FHIT: variants seen among roughly 807,000 people sequenced by gnomAD.
The protein encoded by FHIT is bis(5'-adenosyl)-triphosphatase.
FHIT carries 19 observed loss-of-function variants against 17.9 expected under a neutral mutation model. That is an observed-to-expected ratio of 1.06 (90% CI 0.74 to 1.56). The LOEUF is 1.56. FHIT is among the 40% of genes most tolerant of loss of function. The pLI is 0.00. For synonymous variants in FHIT, 81 were observed against 69.7 expected, an observed-to-expected ratio of 1.16 and a Z score of -0.81; for missense variants, 248 against 189.2, an observed-to-expected ratio of 1.31 and a Z score of -1.82.
intron 5 of FHIT, among the ~76,000 whole-genome samples, chr3:60,529,500 GAGTT>G (rs780856682): frequency 2.6e-5 from 4 of 152,122 alleles, no homozygotes; most frequent in East Asian, 3.9e-4. Context: ...TGCATTATTT[GAGTT>G]AATTACATGA....
chr3:59,974,609 T>C (rs933115028), intron 7 of FHIT, among the ~76,000 whole-genome samples: 2 of 152,112 alleles, frequency 1.3e-5, no homozygotes, highest in East Asian at 3.9e-4. Flanking sequence ...TAGTGAAGGA[T>C]GAGTCTATGT....
intron 5 of FHIT, among the ~76,000 whole-genome samples, chr3:60,296,247 A>G (rs180809223): frequency 6.6e-6 from 1 of 152,162 alleles, no homozygotes; most frequent in African/African-American, 2.4e-5. Context: ...AAAGAAGAGG[A>G]GGAACAGGGA....
Position 61,014,808 on chromosome 3 carries a change from A to AAAAAAAAAAAAAAAAAAT in FHIT, c.-111+27238_-111+27239insATTTTTTTTTTTTTTTTT, listed in dbSNP as rs1156410696. Among the ~76,000 whole-genome samples the AAAAAAAAAAAAAAAAAAT allele has an allele frequency of 1.9e-4, 5 of 26,982 alleles. 1 individual carries two copies. The highest frequency in any genetic ancestry group is 2.5e-4 in the African/African-American group (3 of 12,108). The allele number at this position is 26,982 out of a possible 152,430, so 17.7% of individuals were successfully genotyped here. ...AAAAAAAAAAAAAAAAAAAAAAAAA[A>AAAAAAAAAAAAAAAAAAT]TATATATATATATATATGTATACAC... is the stretch of plus-strand genomic sequence containing the variant. On this transcript the variant is annotated intron_variant, in intron 3 of 9. Transcript: ENST00000492590.
intron 5 of FHIT, among the ~76,000 whole-genome samples, chr3:60,446,396 A>T (rs1036875210): frequency 1.3e-5 from 2 of 152,142 alleles, no homozygotes; most frequent in Non-Finnish European, 2.9e-5. Context: ...CGTTACTTTC[A>T]TCCAATTTGG....
At chr3:60,448,652 C>T (rs1474836612) in intron 5 of FHIT, among the ~76,000 whole-genome samples, 1 of 152,152 alleles carries the variant, frequency 6.6e-6, no homozygotes, top group Non-Finnish European at 1.5e-5. Context: ...AACCGCATTG[C>T]TTTACTGGCC....
intron 4 of FHIT, among the ~76,000 whole-genome samples, chr3:60,668,934 A>G (rs2040445679): frequency 6.6e-6 from 1 of 152,126 alleles, no homozygotes; most frequent in Admixed American, 6.5e-5. Flanking sequence ...TGTTCTTAGC[A>G]GGAAAAAGCA....
intron 7 of FHIT, among the ~76,000 whole-genome samples, chr3:60,006,752 ACCTCT>A: frequency 6.6e-6 from 1 of 152,096 alleles, no homozygotes; most frequent in Non-Finnish European, 1.5e-5. Context: ...TCCTAACGGA[ACCTCT>A]GATGCCAAAG....
At chr3:60,312,819 A>G (rs1329731303) in intron 5 of FHIT, among the ~76,000 whole-genome samples, 1 of 152,202 alleles carries the variant, frequency 6.6e-6, no homozygotes, top group Non-Finnish European at 1.5e-5. Context: ...TTTGAATAGG[A>G]ACAACTAATT....
chr3:60,954,267 T>C (rs982879420), intron 3 of FHIT, among the ~76,000 whole-genome samples: 1 of 152,244 alleles, frequency 6.6e-6, no homozygotes, highest in Non-Finnish European at 1.5e-5. Context: ...TACTATCATA[T>C]GCATGAATGT....
At chr3:60,516,517 GAC>G (rs1409657921) in intron 5 of FHIT, among the ~76,000 whole-genome samples, 1 of 152,094 alleles carries the variant, frequency 6.6e-6, no homozygotes, top group Non-Finnish European at 1.5e-5. Context: ...CTAGAGAAAG[GAC>G]TCTAGAGTTA....
chr3:60,201,789 A>G (rs746046794), intron 5 of FHIT, among the ~76,000 whole-genome samples: 1 of 151,964 alleles, frequency 6.6e-6, no homozygotes, highest in African/African-American at 2.4e-5. Flanking sequence ...AAGACTACCC[A>G]AATTTTCCTC....
intron 4 of FHIT, among the ~76,000 whole-genome samples, chr3:60,665,342 A>G (rs977372973): frequency 3.3e-5 from 5 of 152,014 alleles, no homozygotes; most frequent in African/African-American, 7.2e-5. Context: ...GATTTTCTGT[A>G]TAGTAGTTCT....
At chr3:59,938,663 A>T (rs1240079298) in intron 7 of FHIT, among the ~76,000 whole-genome samples, 1 of 152,214 alleles carries the variant, frequency 6.6e-6, no homozygotes, top group Non-Finnish European at 1.5e-5. Context: ...ATGTCTTAAC[A>T]CCATGTTGTA....
chr3:61,015,875 C>G (rs997660718), intron 3 of FHIT, among the ~76,000 whole-genome samples: 2 of 152,182 alleles, frequency 1.3e-5, no homozygotes, highest in African/African-American at 4.8e-5. Flanking sequence ...TGGCACATGT[C>G]AAAGCACAGA....
intron 8 of FHIT, among the ~76,000 whole-genome samples, chr3:59,840,404 A>AAG: frequency 6.6e-6 from 1 of 151,454 alleles, no homozygotes; most frequent in East Asian, 1.9e-4. Flanking sequence ...AAAAAAAAAA[A>AAG]AAAAAGAAAG....
At chr3:60,188,151 T>C (rs746566788) in intron 5 of FHIT, among the ~76,000 whole-genome samples, 1 of 151,870 alleles carries the variant, frequency 6.6e-6, no homozygotes, top group Admixed American at 6.6e-5. Flanking sequence ...GTACAATCCA[T>C]TGAATGTCAG....
chr3:60,529,187 G>C (rs758163263), intron 5 of FHIT, among the ~76,000 whole-genome samples: 2 of 152,172 alleles, frequency 1.3e-5, no homozygotes, highest in Non-Finnish European at 2.9e-5. Flanking sequence ...TAATTAGTTT[G>C]AGAAAGGAAA....
intron 5 of FHIT, among the ~76,000 whole-genome samples, chr3:60,195,859 A>G (rs1702616889): frequency 7.2e-6 from 1 of 138,826 alleles, no homozygotes; most frequent in Admixed American, 7.3e-5. Context: ...GTTATAATGG[A>G]CACTGGAGAC....
chr3:60,712,292 G>C (rs2041557106), intron 4 of FHIT, among the ~76,000 whole-genome samples: 1 of 152,158 alleles, frequency 6.6e-6, no homozygotes, highest in South Asian at 2.1e-4. Flanking sequence ...AACATGGAAA[G>C]GAACAACCGG....
Sources: gnomAD v4.1 joint callset for allele counts (sites outside exome capture counted in the v4.1 genomes callset) on GRCh38, gnomAD v4.1.1 for gene constraint, MANE v1.5 for transcripts, NCBI Gene and HGNC (gene_info 2026-07-23, HGNC 2026-07-21) for gene names.